Variants in ZNF536 observed in about 807,000 individuals in gnomAD.
The protein encoded by ZNF536 is zinc finger protein 536.
ZNF536 carries 13 observed loss-of-function variants against 84.5 expected under a neutral mutation model. The ratio of observed to expected loss-of-function variants is 0.15; its 90% CI spans 0.10 to 0.24. The LOEUF is 0.24. ZNF536 is among the 10% of genes least tolerant of loss of function. ZNF536 has a pLI of 1.00. For synonymous variants in ZNF536, 811 were observed against 742.5 expected (o/e 1.09, Z -1.50); for missense variants, 1,536 against 1,747.5 (o/e 0.88, Z 2.16).
At chr19:30,325,277 C>T (rs1367527141) in intron 2 of ZNF536, among the ~76,000 whole-genome samples, 1 of 152,230 alleles carries the variant, frequency 6.6e-6, no homozygotes, top group Non-Finnish European at 1.5e-5. Context: ...CTGTGACTCT[C>T]ACCCCCACCC....
chr19:30,486,015 G>A (rs1328823861), intron 2 of ZNF536, among the ~76,000 whole-genome samples: 1 of 152,118 alleles, frequency 6.6e-6, no homozygotes. Context: ...GGGGGTTGGC[G>A]TCACTATTAT....
chr19:30,700,213 C>T (rs199711439), intron 1 of ZNF536, among the ~76,000 whole-genome samples: 1,178 of 102,556 alleles, frequency 0.011, 17 homozygotes, highest in African/African-American at 0.032. Context: ...TCTTTCTTTC[C>T]TTCTTTCTTT....
intron 1 of ZNF536, among the ~76,000 whole-genome samples, chr19:30,243,139 G>GA (rs1395359154): frequency 5.3e-5 from 8 of 151,682 alleles, no homozygotes; most frequent in African/African-American, 1.7e-4. Flanking sequence ...TGAGTTAAAG[G>GA]AAAAAAATAT....
chr19:30,276,855 GT>G (rs35063663), intron 1 of ZNF536, among the ~76,000 whole-genome samples: 48,901 of 149,794 alleles, frequency 0.33, 7,921 homozygotes, highest in African/African-American at 0.36. Flanking sequence ...TTGTCTTCAT[GT>G]TTTTTTTTTT....
intron 1 of ZNF536, among the ~76,000 whole-genome samples, chr19:30,631,272 G>A (rs1013144627): frequency 7.2e-5 from 11 of 152,186 alleles, no homozygotes; most frequent in Non-Finnish European, 1.5e-4. Flanking sequence ...ACCCACACTC[G>A]CTTTTGTTAC....
chr19:30,379,683 G>A (rs2048948720), intron 1 of ZNF536, among the ~76,000 whole-genome samples: 5 of 151,664 alleles, frequency 3.3e-5, no homozygotes, highest in Admixed American at 3.3e-4. Flanking sequence ...CGATGCCCAA[G>A]TAGGCTGCTC....
intron 1 of ZNF536, among the ~76,000 whole-genome samples, chr19:30,405,694 C>T (rs1226740990): frequency 1.1e-4 from 16 of 152,058 alleles, no homozygotes; most frequent in Admixed American, 9.2e-4. Context: ...ACACCCGAAT[C>T]GTTTTCCACC....
intron 1 of ZNF536, among the ~76,000 whole-genome samples, chr19:30,235,697 C>T (rs778376879): frequency 1.3e-5 from 2 of 152,168 alleles, no homozygotes; most frequent in African/African-American, 4.8e-5. Context: ...TTTTAATTCC[C>T]GATTAAAATC....
rs796410058 is a variant in ZNF536, at chr19:30,377,092, A to G, written c.-3+4536A>G. Among the ~76,000 whole-genome samples the G allele has an allele frequency of 2.6e-5, 4 of 152,322 alleles. No individual in the cohort carries two copies. The South Asian group carries it at 8.3e-4, about 32-fold the overall frequency. ...AGCTTCTCTGTCATCGAGAGAGCCA[A>G]CGTGGCCTGACACTGGGGCAAAGAT... On this transcript the variant is annotated intron_variant, in intron 1 of 4. Transcript: ENST00000355537.
intron 1 of ZNF536, among the ~76,000 whole-genome samples, chr19:30,250,945 G>A (rs915538955): frequency 1.3e-5 from 2 of 149,872 alleles, no homozygotes; most frequent in Non-Finnish European, 3.0e-5. Flanking sequence ...CCTCATTTTT[G>A]AGGAGTTTCC....
At chr19:30,600,343 C>G (rs2047641653) in intron 1 of ZNF536, among the ~76,000 whole-genome samples, 1 of 152,144 alleles carries the variant, frequency 6.6e-6, no homozygotes, top group Non-Finnish European at 1.5e-5. Context: ...ATCCATGCAC[C>G]TGGGGCTCCC....
intron 2 of ZNF536, among the ~76,000 whole-genome samples, chr19:30,503,550 A>C (rs747511889): frequency 2.6e-5 from 4 of 152,262 alleles, no homozygotes; most frequent in Non-Finnish European, 4.4e-5. Context: ...ATGTGAGAGT[A>C]TCTTAGTCTA....
At chr19:30,292,735 G>A (rs2045883257) in intron 2 of ZNF536, among the ~76,000 whole-genome samples, 1 of 152,162 alleles carries the variant, frequency 6.6e-6, no homozygotes, top group South Asian at 2.1e-4. Flanking sequence ...AGCCAATTGA[G>A]GGAGAGAATG....
At chr19:30,422,242 A>G (rs1006153622) in intron 1 of ZNF536, among the ~76,000 whole-genome samples, 1 of 152,160 alleles carries the variant, frequency 6.6e-6, no homozygotes, top group African/African-American at 2.4e-5. Context: ...GGCTCTACAG[A>G]AAACCTCCTG....
intron 1 of ZNF536, among the ~76,000 whole-genome samples, chr19:30,421,653 G>C (rs1018825741): frequency 6.6e-6 from 1 of 152,222 alleles, no homozygotes; most frequent in African/African-American, 2.4e-5. Context: ...GTGAGCCACT[G>C]TCTCTGGCCC....
chr19:30,281,590 G>C (rs2045446594), intron 1 of ZNF536, among the ~76,000 whole-genome samples: 1 of 152,220 alleles, frequency 6.6e-6, no homozygotes, highest in Admixed American at 6.5e-5. Flanking sequence ...TGGGAAGGGA[G>C]TCTCCAAGCC....
At chr19:30,421,759 A>G (rs2050968894) in intron 1 of ZNF536, among the ~76,000 whole-genome samples, 1 of 152,188 alleles carries the variant, frequency 6.6e-6, no homozygotes, top group Admixed American at 6.5e-5. Flanking sequence ...TCTCCAGGAG[A>G]GAAGCCCCTT....
At chr19:30,527,903 T>G (rs1402104682) in intron 2 of ZNF536, among the ~76,000 whole-genome samples, 1 of 152,212 alleles carries the variant, frequency 6.6e-6, no homozygotes, top group African/African-American at 2.4e-5. Context: ...AAGAAAGATG[T>G]GATTTTTTTG....
chr19:30,409,827 A>G (rs1041775267), intron 1 of ZNF536, among the ~76,000 whole-genome samples: 1 of 152,168 alleles, frequency 6.6e-6, no homozygotes, highest in African/African-American at 2.4e-5. Flanking sequence ...CTCAAGCTTA[A>G]TATGTATGTA....
Sources: gnomAD v4.1 joint callset for allele counts (sites outside exome capture counted in the v4.1 genomes callset) on GRCh38, gnomAD v4.1.1 for gene constraint, MANE v1.5 for transcripts, NCBI Gene and HGNC (gene_info 2026-07-23, HGNC 2026-07-21) for gene names.